Variants in APLP2 observed in about 807,000 individuals in gnomAD.
APLP2 encodes the protein CDEI box-binding protein.
A neutral mutation model predicts 89.9 loss-of-function variants in APLP2; 53 were observed. The observed-to-expected ratio is 0.59, with a 90% CI of 0.47 to 0.74. APLP2 has a LOEUF of 0.74. Ranked by LOEUF, APLP2 falls within the 30% of genes least tolerant of loss-of-function variation. The pLI is 0.00. For synonymous variants in APLP2, 372 were observed against 348.6 expected (o/e 1.07, Z -0.75); for missense variants, 973 against 975.9 (o/e 1.00, Z 0.04).
intron 1 of APLP2, among the ~76,000 whole-genome samples, chr11:130,092,708 G>GAGAGGGAGAGGGAGAGGGA: frequency 7.5e-6 from 1 of 133,352 alleles, no homozygotes; most frequent in Non-Finnish European, 1.6e-5. Flanking sequence ...GTGGGGGGAG[G>GAGAGGGAGAGGGAGAGGGA]GAGGGGGAGG....
At chr11:130,121,941 A>G in intron 5 of APLP2, 131 bp downstream of exon 5, 1 of 1,392,532 alleles carries the variant, frequency 7.2e-7, no homozygotes, top group Non-Finnish European at 9.7e-7. Flanking sequence ...GAGTTGATTA[A>G]GCTTGCATTT....
Position 130,105,755 on chromosome 11 carries a change from G to A in APLP2, c.106-3674G>A, listed in dbSNP as rs552354865. On this transcript the variant is annotated intron_variant, in intron 1 of 16. Coordinates refer to ENST00000338167, the MANE Select transcript of APLP2 (RefSeq NM_001142276.2). The stretch of plus-strand genomic sequence containing the variant: ...TTTCGCTCTTGTTGCCCAGGCTGGA[G>A]TGCAATGGTGTGATCTCTGCTCACC... Among the ~76,000 whole-genome samples, 792 of 147,664 alleles carry A rather than the reference G, an allele frequency of 5.4e-3. 5 individuals are homozygous for A. Among genetic ancestry groups the A allele is most frequent in the African/African-American group, 0.019 (757 of 39,680 alleles).
intron 1 of APLP2, among the ~76,000 whole-genome samples, chr11:130,080,021 G>A (rs556166354): frequency 2.0e-5 from 3 of 152,258 alleles, no homozygotes; most frequent in Admixed American, 6.5e-5. Flanking sequence ...AGGAAACTTT[G>A]CATTCCTGAA....
At chr11:130,103,845 G>C (rs376460632) in intron 1 of APLP2, among the ~76,000 whole-genome samples, 3 of 152,140 alleles carry the variant, frequency 2.0e-5, no homozygotes, top group African/African-American at 4.8e-5. Flanking sequence ...TTTAGTAGCT[G>C]TCTTTAATGT....
At position 130,141,717 on chromosome 11, in the gene APLP2, A is replaced by G. The variant is rs1465859124; in HGVS notation, c.1998+145A>G. On this transcript the variant is annotated intron_variant, in intron 15 of 16. Transcript: ENST00000338167. This position sits in a 1 kb window ranked among gnomAD's most constrained non-coding sequence, Gnocchi z 4.2. ...CCAGCTTTCCGTACTTTTGGATAAGAAAGCTAAAATTAAAATCTCCATGGA... is the reference window on the plus strand; with the variant it reads ...CCAGCTTTCCGTACTTTTGGATAAGGAAGCTAAAATTAAAATCTCCATGGA... 6 of 931,812 alleles carry G rather than the reference A, an allele frequency of 6.4e-6. No individual in the cohort carries two copies. Among genetic ancestry groups the G allele is most frequent in the Non-Finnish European group, 9.6e-6 (6 of 626,542 alleles). 57.7% of individuals were successfully genotyped at this position (931,812 alleles called of 1,614,324 possible). A position where few individuals can be genotyped will look rare whatever the true frequency, so the allele number is the denominator to read the frequency against.
chr11:130,075,730 A>G (rs1942015364), intron 1 of APLP2, among the ~76,000 whole-genome samples: 1 of 152,208 alleles, frequency 6.6e-6, no homozygotes, highest in Non-Finnish European at 1.5e-5. Context: ...CGAGGGTTGA[A>G]CATCACCCAG....
At chr11:130,078,163 T>C (rs1012208122) in intron 1 of APLP2, among the ~76,000 whole-genome samples, 1 of 150,506 alleles carries the variant, frequency 6.6e-6, no homozygotes, top group Non-Finnish European at 1.5e-5. Context: ...CAGTTTTTCT[T>C]TCTTTTTTTT....
chr11:130,144,796 T>C lies in APLP2; in HGVS notation c.*1348T>C, dbSNP rs980358723. The C allele has an allele frequency of 5.3e-5, 8 of 152,182 alleles. No individual in the cohort carries two copies. Among genetic ancestry groups the C allele is most frequent in the African/African-American group, 1.5e-4 (6 of 41,254 alleles). The allele number at this position is 152,182 out of a possible 1,614,324, so 9.4% of individuals were successfully genotyped here. A position where few individuals can be genotyped will look rare whatever the true frequency, so the allele number is the denominator to read the frequency against. ...CAGTTTAAACACATCAATAAATACT[T>C]TAACTTCCACCGAGACTGCTCGTTT... On this transcript the variant is annotated 3_prime_UTR_variant, in exon 17 of 17. Coordinates refer to ENST00000338167, the MANE Select transcript of APLP2 (RefSeq NM_001142276.2).
At chr11:130,091,397 C>T (rs1237764730) in intron 1 of APLP2, among the ~76,000 whole-genome samples, 9 of 143,692 alleles carry the variant, frequency 6.3e-5, no homozygotes, top group African/African-American at 1.1e-4. Flanking sequence ...CCGGATGGGG[C>T]GGCTGGCCGG....
intron 9 of APLP2, 118 bp downstream of exon 9, chr11:130,127,958 A>ACTTCCTT: frequency 1.2e-6 from 1 of 830,374 alleles, no homozygotes; most frequent in Non-Finnish European, 1.9e-6. Context: ...AGGGCTTACA[A>ACTTCCTT]GGAAGTTGTA....
chr11:130,141,597 A>T lies in APLP2; in HGVS notation c.1998+25A>T. On this transcript the variant is annotated intron_variant, in intron 15 of 16. Coordinates refer to ENST00000338167, the MANE Select transcript of APLP2 (RefSeq NM_001142276.2). The surrounding 1 kb of genome is among the most constrained non-coding windows in gnomAD (Gnocchi z 4.2). ...GGTACGTGTTTAGCTCCAGAACCTA[A>T]GGTTTCCTGCCAATCTTAGGTATTT... 2 of 1,603,810 alleles carry T rather than the reference A, an allele frequency of 1.2e-6. No homozygotes were observed. Among genetic ancestry groups the T allele is most frequent in the South Asian group, 1.1e-5 (1 of 90,826 alleles).
At chr11:130,116,343 A>T (rs73041267) in intron 3 of APLP2, among the ~76,000 whole-genome samples, 1 of 152,148 alleles carries the variant, frequency 6.6e-6, no homozygotes, top group Non-Finnish European at 1.5e-5. Context: ...GTAACCCCAT[A>T]CTATTCTGTT....
At chr11:130,091,262 C>A (rs1445503966) in intron 1 of APLP2, among the ~76,000 whole-genome samples, 1 of 128,310 alleles carries the variant, frequency 7.8e-6, no homozygotes, top group African/African-American at 3.3e-5. Flanking sequence ...GCTGGCCGGG[C>A]GGGGGGCTGA....
chr11:130,104,747 CT>C (rs1247044817), intron 1 of APLP2, among the ~76,000 whole-genome samples: 2 of 151,410 alleles, frequency 1.3e-5, no homozygotes, highest in African/African-American at 4.9e-5. Flanking sequence ...GGGCCTTCTA[CT>C]TTAATAAATG....
chr11:130,120,192 A>G lies in APLP2; in HGVS notation c.404-514A>G, dbSNP rs555531263. 2.0e-5 allele frequency among the ~76,000 whole-genome samples: 3 copies of G among 152,334 alleles called. No homozygotes were observed. In the South Asian group the frequency reaches 6.2e-4, roughly 32 times the overall value. On this transcript the variant is annotated intron_variant, in intron 3 of 16. Transcript: ENST00000338167. Reference sequence around the variant, plus strand: ...GTTATCTGGCTGAGGTAGTTTGCCAAGGCTTCCCACCGTAAAGACACCTTT... The same window carrying G: ...GTTATCTGGCTGAGGTAGTTTGCCAGGGCTTCCCACCGTAAAGACACCTTT...
intron 1 of APLP2, among the ~76,000 whole-genome samples, chr11:130,076,452 A>G (rs920881040): frequency 6.6e-6 from 1 of 152,186 alleles, no homozygotes; most frequent in African/African-American, 2.4e-5. Context: ...ATTCTGACCT[A>G]AAGTTTTAAG....
At chr11:130,102,159 T>G (rs7933752) in intron 1 of APLP2, among the ~76,000 whole-genome samples, 18,876 of 152,240 alleles carry the variant, frequency 0.12, 1,591 homozygotes, top group East Asian at 0.24. Context: ...GAACATAAAT[T>G]TGTTCTAATT....
intron 1 of APLP2, among the ~76,000 whole-genome samples, chr11:130,094,557 A>G (rs896174519): frequency 4.6e-5 from 7 of 152,236 alleles, no homozygotes; most frequent in Admixed American, 1.3e-4. Context: ...CTTTAGATTT[A>G]TCAATAGCAG....
At chr11:130,117,632 T>C (rs1319290337) in intron 3 of APLP2, among the ~76,000 whole-genome samples, 2 of 152,196 alleles carry the variant, frequency 1.3e-5, no homozygotes, top group African/African-American at 4.8e-5. Flanking sequence ...CTCAGTTCTT[T>C]TGCAACATTT....
Sources: allele counts gnomAD v4.1 joint callset (sites outside exome capture counted in the v4.1 genomes callset), GRCh38; gene constraint gnomAD v4.1.1; non-coding constraint Gnocchi (gnomAD v3.1); transcripts MANE v1.5; gene names NCBI Gene and HGNC (gene_info 2026-07-23, HGNC 2026-07-21).